The following GTPBP10 variants were observed in gnomAD, a reference collection of about 807,000 sequenced individuals.
GTPBP10 encodes GTP binding protein 10.
GTPBP10 carries 38 observed loss-of-function variants against 44.8 expected under a neutral mutation model. The observed-to-expected ratio is 0.85, with a 90% confidence interval of 0.65 to 1.11. The LOEUF (loss-of-function observed/expected upper bound fraction) is 1.11. Ranked by LOEUF, GTPBP10 falls within the 50% of genes most tolerant of loss-of-function variation. The probability of loss-of-function intolerance (pLI) is 0.00; values close to 1 mark genes in which losing one functional copy is unlikely to be tolerated. For missense variants in GTPBP10, 462 were observed against 453.7 expected, an observed-to-expected ratio of 1.02 and a Z score of -0.17; for synonymous variants, 152 against 150.6, an observed-to-expected ratio of 1.01 and a Z score of -0.07.
At chr7:90,349,913 A>G (rs12704526) in intron 1 of GTPBP10, among the ~76,000 whole-genome samples, 9,925 of 147,946 alleles carry the variant, frequency 0.067, 357 homozygotes, top group South Asian at 0.16. Context: ...AGCCAAACCT[A>G]TTTCTTCTTT....
intron 5 of GTPBP10, 24 bp downstream of exon 5, chr7:90,372,252 T>C (rs1243208029): frequency 1.4e-6 from 2 of 1,419,798 alleles, no homozygotes; most frequent in East Asian, 2.3e-5. Context: ...GATTGTACAT[T>C]TTAATGAGTG....
intron 4 of GTPBP10, among the ~76,000 whole-genome samples, chr7:90,356,181 G>C (rs963910533): frequency 6.6e-6 from 1 of 151,774 alleles, no homozygotes; most frequent in Non-Finnish European, 1.5e-5. Flanking sequence ...TGTATCCCTC[G>C]TCTTTTGCCC....
intron 4 of GTPBP10, among the ~76,000 whole-genome samples, chr7:90,365,406 C>A: frequency 8.5e-6 from 1 of 118,028 alleles, no homozygotes; most frequent in South Asian, 2.8e-4. Flanking sequence ...GACGGAGTCT[C>A]GCTCTGTCAC....
intron 4 of GTPBP10, among the ~76,000 whole-genome samples, chr7:90,360,394 A>C (rs542352219): frequency 6.6e-6 from 1 of 152,192 alleles, no homozygotes; most frequent in South Asian, 2.1e-4. Context: ...TATTATATAG[A>C]GAATCCTATC....
rs923266583 is a variant in GTPBP10 at position 90,372,246 on chromosome 7, G to T, written c.538+18G>T. On this transcript the variant is annotated intron_variant, in intron 5 of 9. Transcript: ENST00000222511. ...TTACGCATGTAAGTGTAATTTGATT[G>T]TACATTTTAATGAGTGGAGGTAAAC... The T allele has an allele frequency of 1.2e-5, 18 of 1,512,938 alleles. No homozygotes were observed. Among genetic ancestry groups the T allele is most frequent in the Non-Finnish European group, 1.6e-5 (18 of 1,096,566 alleles). 93.7% of individuals were successfully genotyped at this position (1,512,938 alleles called of 1,614,324 possible).
chr7:90,362,101 T>TA (rs1562956021), intron 4 of GTPBP10, among the ~76,000 whole-genome samples: 1 of 152,074 alleles, frequency 6.6e-6, no homozygotes, highest in Non-Finnish European at 1.5e-5. Context: ...TCATTGATTT[T>TA]TTTTGAAGGG....
In GTPBP10 at chr7:90,387,618, C is replaced by A. The variant is rs184033056; in HGVS notation, c.*2464C>A. On this transcript the variant is annotated 3_prime_UTR_variant, in exon 10 of 10. Coordinates refer to ENST00000222511, the MANE Select transcript of GTPBP10 (RefSeq NM_033107.4). ...CCCCAAACTGGCTTTTCTTTTATTT[C>A]TTTTTTCTTCATTGCTGATGTATTT... The A allele has an allele frequency of 6.6e-6, 1 of 152,086 alleles. No homozygotes were observed. The highest frequency in any genetic ancestry group is 2.4e-5 in the African/African-American group (1 of 41,404). The allele number at this position is 152,086 out of a possible 1,614,324, so 9.4% of individuals were successfully genotyped here.
chr7:90,373,949 T>A (rs1214032126), intron 5 of GTPBP10, among the ~76,000 whole-genome samples: 2 of 152,154 alleles, frequency 1.3e-5, no homozygotes, highest in Non-Finnish European at 2.9e-5. Context: ...CAAGCAATCC[T>A]CCCACCTCAG....
At chr7:90,364,880 G>C (rs577644182) in intron 4 of GTPBP10, among the ~76,000 whole-genome samples, 1 of 152,166 alleles carries the variant, frequency 6.6e-6, no homozygotes, top group African/African-American at 2.4e-5. Flanking sequence ...ATCTCAGACT[G>C]CTGTGCTAGC....
chr7:90,362,825 T>A (rs174070), intron 4 of GTPBP10, among the ~76,000 whole-genome samples: 1 of 152,162 alleles, frequency 6.6e-6, no homozygotes, highest in Admixed American at 6.5e-5. Context: ...TCCTGTATTG[T>A]GTGCATATGT....
intron 3 of GTPBP10, among the ~76,000 whole-genome samples, chr7:90,354,818 T>G (rs1385078360): frequency 6.6e-6 from 1 of 152,204 alleles, no homozygotes; most frequent in Non-Finnish European, 1.5e-5. Context: ...GGTCAAACTT[T>G]TAATAGATTT....
At chr7:90,384,271 A>G (rs939565254) in intron 9 of GTPBP10, among the ~76,000 whole-genome samples, 4 of 152,178 alleles carry the variant, frequency 2.6e-5, no homozygotes, top group African/African-American at 9.7e-5. Flanking sequence ...AGTTCATATC[A>G]GTTAATCCAT....
In GTPBP10 at chr7:90,386,087, C is replaced by T. The variant is rs984019625; in HGVS notation, c.*933C>T. On this transcript the variant is annotated 3_prime_UTR_variant, in exon 10 of 10. Transcript: ENST00000222511. ...AAAAAAAAAAAGAGCTAAAAAATTA[C>T]ATTTTACAAGTTTATGGCCAGCCCA... 6.6e-6 allele frequency: 1 copy of T among 151,600 alleles called. No homozygotes were observed. The highest frequency in any genetic ancestry group is 2.1e-4 in the South Asian group (1 of 4,804). 9.4% of individuals were successfully genotyped at this position (151,600 alleles called of 1,614,324 possible).
chr7:90,371,254 A>AG (rs1281508740), intron 4 of GTPBP10: 1 of 811,768 alleles, frequency 1.2e-6, no homozygotes, highest in Non-Finnish European at 1.5e-6. Flanking sequence ...TGTTGTTTAG[A>AG]GTGAAAAATT....
Position 90,386,063 on chromosome 7 carries a change from A to T in GTPBP10, c.*909A>T, listed in dbSNP as rs1480653302. 6.6e-6 allele frequency: 1 copy of T among 151,768 alleles called. No individual in the cohort carries two copies. Among genetic ancestry groups the T allele is most frequent in the East Asian group, 1.9e-4 (1 of 5,186 alleles). 9.4% of individuals were successfully genotyped at this position (151,768 alleles called of 1,614,324 possible). A position where few individuals can be genotyped will look rare whatever the true frequency, so the allele number is the denominator to read the frequency against. On this transcript the variant is annotated 3_prime_UTR_variant, in exon 10 of 10. Coordinates refer to ENST00000222511, the MANE Select transcript of GTPBP10 (RefSeq NM_033107.4). ...GTGACAGAGCTAGACTCCATCTCAA[A>T]AAAAAAAAAGAGCTAAAAAATTACA... is the stretch of plus-strand genomic sequence containing the variant.
intron 6 of GTPBP10, among the ~76,000 whole-genome samples, chr7:90,375,384 A>G (rs536584452): frequency 9.0e-4 from 137 of 152,280 alleles, no homozygotes; most frequent in Non-Finnish European, 1.5e-3. Flanking sequence ...AATCCATAGA[A>G]TGTACAGCAC....
At chr7:90,346,869 C>A in intron 1 of GTPBP10, 95 bp downstream of exon 1, 1 of 1,373,710 alleles carries the variant, frequency 7.3e-7, no homozygotes, top group Non-Finnish European at 1.0e-6. Context: ...TCGTGGCGGC[C>A]TTTTCCTTGC....
intron 1 of GTPBP10, among the ~76,000 whole-genome samples, chr7:90,349,661 G>A (rs531931391): frequency 1.4e-4 from 21 of 152,334 alleles, no homozygotes; most frequent in African/African-American, 4.6e-4. Flanking sequence ...AACTGCATTT[G>A]CACAATACAG....
Position 90,351,237 on chromosome 7 carries a change from G to C in GTPBP10, c.34-1579G>C, listed in dbSNP as rs577690126. The stretch of plus-strand genomic sequence containing the variant: ...TTCTCTTGACTGCAAATGCTGCCAT[G>C]TAAGATCTGTAAGTGTGTGTGTAAG... On this transcript the variant is annotated intron_variant, in intron 1 of 9. Coordinates refer to ENST00000222511, the MANE Select transcript of GTPBP10 (RefSeq NM_033107.4). Among the ~76,000 whole-genome samples, 4 of 152,248 alleles carry C rather than the reference G, an allele frequency of 2.6e-5. No homozygotes were observed. In the East Asian group the frequency reaches 5.8e-4, roughly 22 times the overall value.
Sources: allele counts gnomAD v4.1 joint callset (sites outside exome capture counted in the v4.1 genomes callset), GRCh38; gene constraint gnomAD v4.1.1; transcripts MANE v1.5; gene names NCBI Gene and HGNC (gene_info 2026-07-23, HGNC 2026-07-21).